ACOX3: variants seen among roughly 807,000 people sequenced by gnomAD.
ACOX3 encodes peroxisomal acyl-coenzyme A oxidase 3.
ACOX3 carries 73 observed loss-of-function variants against 81.5 expected under a neutral mutation model. That is an observed-to-expected ratio of 0.90 (90% CI 0.74 to 1.09). The LOEUF (loss-of-function observed/expected upper bound fraction) is 1.09. Ranked by LOEUF, ACOX3 falls within the 50% of genes least tolerant of loss-of-function variation. The pLI is 0.00. For synonymous variants in ACOX3, 387 were observed against 375.1 expected, an observed-to-expected ratio of 1.03 and a Z score of -0.37; for missense variants, 947 against 928.0, an observed-to-expected ratio of 1.02 and a Z score of -0.27.
At position 8,390,876 on chromosome 4, in the gene ACOX3, G is replaced by A. The variant is rs575554129; in HGVS notation, c.1301-1142C>T. On this transcript the variant is annotated intron_variant, in intron 11 of 17. Coordinates refer to ENST00000356406, the MANE Select transcript of ACOX3 (RefSeq NM_003501.3). ...CTGACTTACTGTCAAATCATGCCAC[G>A]AGCTTCCTGCCACGTAACAGGTTGG... 5.9e-5 allele frequency among the ~76,000 whole-genome samples: 9 copies of A among 152,264 alleles called. No homozygotes were observed. In the South Asian group the frequency reaches 1.2e-3, roughly 21 times the overall value.
Position 8,407,654 on chromosome 4 carries a change from C to G in ACOX3, c.688-1611G>C, listed in dbSNP as rs1456211405. Reference sequence around the variant, plus strand: ...TCATATTCACGTTTTAGACACAGGACTCCCTGCTAGATTTTAGTAAAGTGA... The same window carrying G: ...TCATATTCACGTTTTAGACACAGGAGTCCCTGCTAGATTTTAGTAAAGTGA... On this transcript the variant is annotated intron_variant, in intron 6 of 17. Coordinates refer to ENST00000356406, the MANE Select transcript of ACOX3 (RefSeq NM_003501.3). The surrounding 1 kb of genome is among the most constrained non-coding windows in gnomAD (Gnocchi z 4.6). Among the ~76,000 whole-genome samples the G allele has an allele frequency of 6.6e-6, 1 of 152,244 alleles. No homozygotes were observed. The highest frequency in any genetic ancestry group is 2.4e-5 in the African/African-American group (1 of 41,456).
rs1378560260 is a variant in ACOX3 at position 8,437,366 on chromosome 4, G to A, written c.-15+3282C>T. Among the ~76,000 whole-genome samples, 2 of 151,984 alleles carry A rather than the reference G, an allele frequency of 1.3e-5. No individual in the cohort carries two copies. The highest frequency in any genetic ancestry group is 4.8e-5 in the African/African-American group (2 of 41,386). ...CTCAGCTCTATCTAGAAAAAAAGAG[G>A]AGGCTAGAGACCGGTGCCAAGAGAA... is the stretch of plus-strand genomic sequence containing the variant. On this transcript the variant is annotated intron_variant, in intron 1 of 17. Transcript: ENST00000356406. The surrounding 1 kb of genome is among the most constrained non-coding windows in gnomAD (Gnocchi z 5.2).
chr4:8,426,538 AC>A (rs1276168548), intron 1 of ACOX3, among the ~76,000 whole-genome samples: 5 of 108,784 alleles, frequency 4.6e-5, no homozygotes, highest in Non-Finnish European at 8.6e-5. Flanking sequence ...CTGTTGTCTT[AC>A]CCCCCTTTCA....
At chr4:8,397,184 C>G in intron 8 of ACOX3, 65 bp from the exon 9 acceptor site, 1 of 1,439,092 alleles carries the variant, frequency 6.9e-7, no homozygotes, top group Non-Finnish European at 9.2e-7. Context: ...CAGAGTGGCT[C>G]AGAGGCGAAG....
chr4:8,369,916 G>A (rs1270935588), intron 17 of ACOX3, among the ~76,000 whole-genome samples: 1 of 152,208 alleles, frequency 6.6e-6, no homozygotes, highest in Non-Finnish European at 1.5e-5. Flanking sequence ...TTGACACGCC[G>A]AGTCCCTCTA....
At chr4:8,361,626 T>C (rs1267821568), downstream of ACOX3, among the ~76,000 whole-genome samples, 5 of 152,096 alleles carry the variant, frequency 3.3e-5, no homozygotes, top group Admixed American at 6.6e-5. Flanking sequence ...TAACAGGTTT[T>C]TTCTTCGAGC....
chr4:8,372,739 CA>C (rs1454105837), intron 16 of ACOX3, among the ~76,000 whole-genome samples: 8 of 152,182 alleles, frequency 5.3e-5, no homozygotes, highest in African/African-American at 1.9e-4. Context: ...AAAGCAGTGA[CA>C]GGGGAGATGA....
rs1717675360 is a variant in ACOX3 at position 8,381,729 on chromosome 4, AC to A, written c.1538-123del. The A allele has an allele frequency of 2.8e-6, 2 of 716,146 alleles. No individual in the cohort carries two copies. The highest frequency in any genetic ancestry group is 5.1e-5 in the Admixed American group (2 of 38,988). 44.4% of individuals were successfully genotyped at this position (716,146 alleles called of 1,614,324 possible). The stretch of plus-strand genomic sequence containing the variant: ...AGGTACCAGGTTGTCTTCATTGACA[AC>A]CAAGTGTATGGGGTGGGTCTGATTT... On this transcript the variant is annotated intron_variant, in intron 13 of 17. Coordinates refer to ENST00000356406, the MANE Select transcript of ACOX3 (RefSeq NM_003501.3). This position sits in a 1 kb window ranked among gnomAD's most constrained non-coding sequence, Gnocchi z 4.3.
intron 11 of ACOX3, among the ~76,000 whole-genome samples, chr4:8,392,051 A>T (rs1285225581): frequency 6.6e-6 from 1 of 152,210 alleles, no homozygotes; most frequent in Non-Finnish European, 1.5e-5. Flanking sequence ...GGGTTGGCAA[A>T]CTTGTTCTGC....
Position 8,406,041 on chromosome 4 carries a change from G to A in ACOX3, c.690C>T (p.Ile230=). ...TGGGAAGAAGGGTCTTCGGGTCCCG[G>A]ATCTATACAAAGCCACAGAAAGCAG... ...CHGLHPFIVQ[I]RDPKTLLPMP... The change falls in exon 7 of 18, where the codon ATC becomes ATT. Residue 230 remains isoleucine (I), a splice_region_variant and synonymous_variant. Coordinates refer to ENST00000356406, the MANE Select transcript of ACOX3 (RefSeq NM_003501.3). The surrounding 1 kb of genome is among the most constrained non-coding windows in gnomAD (Gnocchi z 5.6). 2 of 1,613,938 alleles carry A rather than the reference G, an allele frequency of 1.2e-6. No homozygotes were observed. The highest frequency in any genetic ancestry group is 1.7e-6 in the Non-Finnish European group (2 of 1,179,982).
At chr4:8,357,034 C>A in the ACOX3 span, 2 of 455,592 alleles carry the variant, frequency 4.4e-6, no homozygotes, top group Non-Finnish European at 8.8e-6. Flanking sequence ...AACGTGATCC[C>A]GGCAGGTGAG....
chr4:8,370,023 G>A lies in ACOX3; in HGVS notation c.1983+885C>T, dbSNP rs574004880. The stretch of plus-strand genomic sequence containing the variant: ...CTCGAGGGCATCATCAGGTGGGAGG[G>A]AGACACAAGGTCAGTGATGAGGCCA... On this transcript the variant is annotated intron_variant, in intron 17 of 17. Coordinates refer to ENST00000356406, the MANE Select transcript of ACOX3 (RefSeq NM_003501.3). The surrounding 1 kb of genome is among the most constrained non-coding windows in gnomAD (Gnocchi z 6.3). 6.6e-6 allele frequency among the ~76,000 whole-genome samples: 1 copy of A among 152,348 alleles called. No individual in the cohort carries two copies. The highest frequency in any genetic ancestry group is 2.1e-4 in the South Asian group (1 of 4,832).
At chr4:8,393,639 A>ACACACACACACATG (rs1719325902) in intron 10 of ACOX3, among the ~76,000 whole-genome samples, 1 of 44,638 alleles carries the variant, frequency 2.2e-5, no homozygotes, top group Non-Finnish European at 5.1e-5. Context: ...ACACACACGC[A>ACACACACACACATG]CACACACACA....
rs985134972 is a variant in ACOX3 at position 8,389,438 on chromosome 4, C to T, written c.1424-152G>A. 1 of 1,301,852 alleles carries T rather than the reference C, an allele frequency of 7.7e-7. No homozygotes were observed. The highest frequency in any genetic ancestry group is 1.1e-6 in the Non-Finnish European group (1 of 947,184). 80.6% of individuals were successfully genotyped at this position (1,301,852 alleles called of 1,614,324 possible). On this transcript the variant is annotated intron_variant, in intron 12 of 17. Transcript: ENST00000356406. This position sits in a 1 kb window ranked among gnomAD's most constrained non-coding sequence, Gnocchi z 5.3. ...GGGTCTGGGTCTCAAGGACCCTCCC[C>T]ACCCCAGCCTTTGCCCATGCCTTGG... is the stretch of plus-strand genomic sequence containing the variant.
intron 1 of ACOX3, among the ~76,000 whole-genome samples, chr4:8,420,243 CA>C (rs1722791308): frequency 6.6e-6 from 1 of 152,216 alleles, no homozygotes; most frequent in Non-Finnish European, 1.5e-5. Context: ...CATTATGGTA[CA>C]ACTGTTAGAG....
chr4:8,426,989 C>G (rs1043766085), intron 1 of ACOX3, among the ~76,000 whole-genome samples: 2 of 152,176 alleles, frequency 1.3e-5, no homozygotes, highest in African/African-American at 4.8e-5. Context: ...ACCTCCCCAA[C>G]AGCACTTGGG....
rs2280571 is a variant in ACOX3 at position 8,373,615 on chromosome 4, G to A, written c.1842C>T (p.Ser614=). The A allele has an allele frequency of 0.14, 223,293 of 1,611,924 alleles. 16,013 individuals carry two copies. Among genetic ancestry groups the A allele is most frequent in the South Asian group, 0.17 (15,826 of 90,628 alleles). ...CCAACACTTCTCCCGCCTGCTCACC[G>A]GAGAAGTATCCTCCTGCAAGCACAG... ...AALLYRGGYF[S]GEQAGEVLES... Residue 614 remains serine (S), a synonymous_variant, in exon 16 of 18, where the codon TCC becomes TCT. Transcript: ENST00000356406.
At chr4:8,357,952 G>C in the ACOX3 span, 1 of 154,360 alleles carries the variant, frequency 6.5e-6, no homozygotes, top group Non-Finnish European at 1.4e-5. Context: ...GAATGGGAAG[G>C]AGGGCTCGGG....
chr4:8,440,118 C>A (rs553676518), intron 1 of ACOX3, among the ~76,000 whole-genome samples: 3 of 152,322 alleles, frequency 2.0e-5, no homozygotes, highest in South Asian at 4.1e-4. Flanking sequence ...ATTCATGTAG[C>A]CCCCAGTCAC....
Sources: allele counts gnomAD v4.1 joint callset (sites outside exome capture counted in the v4.1 genomes callset), GRCh38; gene constraint gnomAD v4.1.1; non-coding constraint Gnocchi (gnomAD v3.1); transcripts MANE v1.5; gene names NCBI Gene and HGNC (gene_info 2026-07-23, HGNC 2026-07-21).